CDH18: variants seen among roughly 807,000 people sequenced by gnomAD.
The protein encoded by CDH18 is cadherin-18.
In CDH18, 31 loss-of-function variants were observed where a neutral mutation model predicts 67.9. The ratio of observed to expected loss-of-function variants is 0.46; its 90% CI spans 0.34 to 0.62. CDH18 has a LOEUF of 0.62. Ranked by LOEUF, CDH18 falls within the 20% of genes least tolerant of loss-of-function variation. The pLI, the probability that CDH18 is intolerant of heterozygous loss-of-function variation, is 0.01. For synonymous variants in CDH18, 362 were observed against 347.2 expected (o/e 1.04, Z -0.48); for missense variants, 890 against 975.5 (o/e 0.91, Z 1.17).
chr5:20,528,394 C>T (rs1756197764), intron 1 of CDH18, among the ~76,000 whole-genome samples: 1 of 151,928 alleles, frequency 6.6e-6, no homozygotes, highest in Admixed American at 6.5e-5. Flanking sequence ...AGCTCTGGAC[C>T]AAGTGGACCT....
chr5:20,253,667 G>A (rs2126605633), intron 2 of CDH18, among the ~76,000 whole-genome samples: 1 of 152,238 alleles, frequency 6.6e-6, no homozygotes, highest in African/African-American at 2.4e-5. Flanking sequence ...TTGAAGACTG[G>A]TTTTTGGAAT....
chr5:19,920,390 T>C (rs568401206), intron 2 of CDH18, among the ~76,000 whole-genome samples: 8 of 152,230 alleles, frequency 5.3e-5, no homozygotes, highest in African/African-American at 1.9e-4. Context: ...GCCCAAGCTA[T>C]GCAGTAAGGT....
chr5:20,129,896 A>G (rs1749121457), intron 2 of CDH18, among the ~76,000 whole-genome samples: 1 of 151,962 alleles, frequency 6.6e-6, no homozygotes, highest in African/African-American at 2.4e-5. Context: ...AGAATTATAT[A>G]GGTCTCTAAA....
chr5:20,036,739 T>G (rs1561736114), intron 2 of CDH18, among the ~76,000 whole-genome samples: 1 of 152,114 alleles, frequency 6.6e-6, no homozygotes, highest in Non-Finnish European at 1.5e-5. Context: ...TATTATTGTG[T>G]GAGTGTCTAA....
intron 2 of CDH18, among the ~76,000 whole-genome samples, chr5:19,877,806 G>T (rs1787191873): frequency 6.6e-6 from 1 of 152,096 alleles, no homozygotes; most frequent in Non-Finnish European, 1.5e-5. Context: ...TTGAGGACAG[G>T]CTGTGCTACC....
At chr5:19,572,530 T>C (rs1473103072) in intron 7 of CDH18, among the ~76,000 whole-genome samples, 2 of 152,180 alleles carry the variant, frequency 1.3e-5, no homozygotes, top group African/African-American at 4.8e-5. Flanking sequence ...TATAACAGAA[T>C]ACCATACACT....
At chr5:19,799,301 G>A (rs1243163241) in intron 3 of CDH18, among the ~76,000 whole-genome samples, 1 of 152,036 alleles carries the variant, frequency 6.6e-6, no homozygotes, top group East Asian at 1.9e-4. Context: ...TTTGTTCAAT[G>A]GGTATAAAGT....
At chr5:19,599,567 G>A (rs1183573716) in intron 6 of CDH18, among the ~76,000 whole-genome samples, 2 of 151,698 alleles carry the variant, frequency 1.3e-5, no homozygotes, top group African/African-American at 2.4e-5. Context: ...GCTCTGTGAC[G>A]ATATTTCATC....
intron 5 of CDH18, among the ~76,000 whole-genome samples, chr5:19,663,767 T>A (rs1757515199): frequency 6.6e-6 from 1 of 151,976 alleles, no homozygotes; most frequent in African/African-American, 2.4e-5. Flanking sequence ...AATAAATTTA[T>A]TAATATTCAC....
intron 1 of CDH18, among the ~76,000 whole-genome samples, chr5:20,329,099 C>G (rs1580765197): frequency 6.6e-6 from 1 of 152,180 alleles, no homozygotes; most frequent in Non-Finnish European, 1.5e-5. Flanking sequence ...TAATATCCAA[C>G]TCCCCAAAAC....
intron 2 of CDH18, among the ~76,000 whole-genome samples, chr5:20,078,868 G>A (rs955871949): frequency 1.3e-5 from 2 of 152,088 alleles, no homozygotes; most frequent in African/African-American, 4.8e-5. Context: ...CACCCGCCTC[G>A]GCCTCCCAAA....
chr5:20,176,585 T>C (rs915911044), intron 2 of CDH18, among the ~76,000 whole-genome samples: 5 of 152,224 alleles, frequency 3.3e-5, no homozygotes, highest in African/African-American at 1.2e-4. Context: ...TGTGAATTTG[T>C]ACTTTCTGAG....
chr5:19,623,935 TTC>T (rs1751095326), intron 5 of CDH18, among the ~76,000 whole-genome samples: 1 of 149,692 alleles, frequency 6.7e-6, no homozygotes, highest in Non-Finnish European at 1.5e-5. Context: ...AATGATTTAT[TTC>T]TCTTTTATAT....
intron 1 of CDH18, among the ~76,000 whole-genome samples, chr5:20,320,048 C>T (rs116432001): frequency 1.3e-3 from 195 of 152,260 alleles, no homozygotes; most frequent in African/African-American, 4.1e-3. Flanking sequence ...CACAATGCCA[C>T]TCTGCTACTG....
At chr5:19,756,371 G>A (rs1771603821) in intron 3 of CDH18, among the ~76,000 whole-genome samples, 1 of 152,182 alleles carries the variant, frequency 6.6e-6, no homozygotes, top group African/African-American at 2.4e-5. Flanking sequence ...AGCTGGTATT[G>A]ATGACTACTT....
intron 2 of CDH18, among the ~76,000 whole-genome samples, chr5:20,022,598 A>T (rs1220077057): frequency 2.0e-5 from 3 of 152,218 alleles, no homozygotes; most frequent in Non-Finnish European, 4.4e-5. Flanking sequence ...GTCCATTTCT[A>T]AATATTTTAT....
intron 1 of CDH18, among the ~76,000 whole-genome samples, chr5:20,350,230 A>G (rs1741055126): frequency 6.6e-6 from 1 of 152,174 alleles, no homozygotes; most frequent in African/African-American, 2.4e-5. Flanking sequence ...AACCTGTTAC[A>G]GCACCAGGCT....
intron 1 of CDH18, among the ~76,000 whole-genome samples, chr5:20,267,562 T>C (rs1210693120): frequency 6.6e-6 from 1 of 152,194 alleles, no homozygotes; most frequent in Non-Finnish European, 1.5e-5. Context: ...GTTTGTGTCA[T>C]TTTCAATTTC....
intron 7 of CDH18, among the ~76,000 whole-genome samples, chr5:19,585,618 A>G (rs1024832886): frequency 2.6e-5 from 4 of 152,144 alleles, no homozygotes; most frequent in African/African-American, 9.7e-5. Context: ...AGACTACATC[A>G]GTATCCTTGA....
Sources: allele counts gnomAD v4.1 joint callset (sites outside exome capture counted in the v4.1 genomes callset), GRCh38; gene constraint gnomAD v4.1.1; transcripts MANE v1.5; gene names NCBI Gene and HGNC (gene_info 2026-07-23, HGNC 2026-07-21).